ZNF564: variants seen among roughly 807,000 people sequenced by gnomAD.
ZNF564 encodes zinc finger protein 564.
In ZNF564, 5 loss-of-function variants were observed where a neutral mutation model predicts 10.5. The ratio of observed to expected loss-of-function variants is 0.48; its 90% CI spans 0.25 to 1.00. The LOEUF (loss-of-function observed/expected upper bound fraction) is 1.00, where lower values mean the gene tolerates loss of function less well. Ranked by LOEUF, ZNF564 falls within the 50% of genes least tolerant of loss-of-function variation. The probability of loss-of-function intolerance (pLI) is 0.16; values close to 1 mark genes in which losing one functional copy is unlikely to be tolerated. For missense variants in ZNF564, 603 were observed against 669.7 expected, an observed-to-expected ratio of 0.90 and a Z score of 1.10; for synonymous variants, 242 against 218.1, an observed-to-expected ratio of 1.11 and a Z score of -0.97.
chr19:12,532,472 T>C (rs1319236133), intron 1 of ZNF564, among the ~76,000 whole-genome samples: 1 of 138,198 alleles, frequency 7.2e-6, no homozygotes, highest in Non-Finnish European at 1.5e-5. Flanking sequence ...AAGGCGGAGC[T>C]TGCAGTGAGC....
intron 1 of ZNF564, among the ~76,000 whole-genome samples, chr19:12,544,759 T>A (rs1029629780): frequency 6.6e-6 from 1 of 152,206 alleles, no homozygotes; most frequent in South Asian, 2.1e-4. Context: ...TCTGCCCAGA[T>A]TCCTCTGTCT....
At chr19:12,550,044 G>A (rs1414895879) in intron 1 of ZNF564, among the ~76,000 whole-genome samples, 1 of 152,120 alleles carries the variant, frequency 6.6e-6, no homozygotes, top group Non-Finnish European at 1.5e-5. Flanking sequence ...TGTAATCCCA[G>A]CACTTTGGGA....
intron 1 of ZNF564, among the ~76,000 whole-genome samples, chr19:12,549,020 C>A (rs963363580): frequency 6.6e-6 from 1 of 151,912 alleles, no homozygotes; most frequent in Non-Finnish European, 1.5e-5. Flanking sequence ...TGGGATTGAT[C>A]TGAAATCACC....
intron 1 of ZNF564, chr19:12,533,114 G>C (rs1407051526): frequency 1.3e-5 from 2 of 151,812 alleles, no homozygotes; most frequent in African/African-American, 4.8e-5. Context: ...CAAATACTGG[G>C]GCATAAAACA....
intron 3 of ZNF564, 117 bp from the exon 4 acceptor site, chr19:12,528,033 T>G (rs2021728085): frequency 8.6e-7 from 1 of 1,156,258 alleles, no homozygotes; most frequent in Admixed American, 2.5e-5. Context: ...CTGTATGAAT[T>G]GTTTGAAAGT....
At position 12,527,147 on chromosome 19, in the gene ZNF564, G is replaced by A; in HGVS notation, c.961C>T (p.Pro321Ser). The change falls in exon 4 of 4, where the codon CCC becomes TCC. Residue 321 changes from proline to serine, a missense_variant. Physicochemically the swap from Pro to Ser is moderately conservative, Grantham distance 74. Transcript: ENST00000339282. ...CKVCGRAFIFPSYVRKHERTH... is the reference protein window; with the variant it reads ...CKVCGRAFIFSSYVRKHERTH... ...CTTTCATGCTTTCGAACATAACTGG[G>A]AAAAATAAAGGCTCTCCCACATACT... 1 of 1,614,042 alleles carries A rather than the reference G, an allele frequency of 6.2e-7. No individual in the cohort carries two copies. Among genetic ancestry groups the A allele is most frequent in the Middle Eastern group, 1.7e-4 (1 of 6,058 alleles).
At chr19:12,528,924 C>T (rs566081469) in intron 1 of ZNF564, among the ~76,000 whole-genome samples, 8 of 152,218 alleles carry the variant, frequency 5.3e-5, no homozygotes, top group African/African-American at 1.2e-4. Flanking sequence ...ATTAGCTGGG[C>T]GTGGTGGCGT....
At chr19:12,530,688 A>G (rs528713704) in intron 1 of ZNF564, among the ~76,000 whole-genome samples, 56 of 152,314 alleles carry the variant, frequency 3.7e-4, no homozygotes, top group Non-Finnish European at 7.4e-4. Context: ...AAATTTCAAG[A>G]GGAAATGATT....
At chr19:12,535,394 T>C (rs1407004763) in intron 1 of ZNF564, among the ~76,000 whole-genome samples, 5 of 151,770 alleles carry the variant, frequency 3.3e-5, no homozygotes, top group African/African-American at 7.3e-5. Context: ...AAGAAAAGTA[T>C]GTTACTAAGT....
chr19:12,542,398 T>C (rs1352321985), intron 1 of ZNF564, among the ~76,000 whole-genome samples: 3 of 147,100 alleles, frequency 2.0e-5, no homozygotes, highest in Non-Finnish European at 4.5e-5. Flanking sequence ...GAGGCCAAGG[T>C]AGGAGGATCA....
chr19:12,525,404 T>C lies in ZNF564; in HGVS notation c.*1042A>G, dbSNP rs1346340755. The C allele has an allele frequency of 6.6e-6, 1 of 152,244 alleles. No individual in the cohort carries two copies. Among genetic ancestry groups the C allele is most frequent in the Non-Finnish European group, 1.5e-5 (1 of 68,038 alleles). 9.4% of individuals were successfully genotyped at this position (152,244 alleles called of 1,614,324 possible). On this transcript the variant is annotated 3_prime_UTR_variant, in exon 4 of 4. Transcript: ENST00000339282. ...ATTTCTATATTTTAATCTGGGGATC[T>C]GCCATACTGTTTTCAGCAGGCTTAT... is the stretch of plus-strand genomic sequence containing the variant.
At chr19:12,537,765 A>C (rs1334542769) in intron 1 of ZNF564, among the ~76,000 whole-genome samples, 1 of 152,012 alleles carries the variant, frequency 6.6e-6, no homozygotes, top group East Asian at 1.9e-4. Flanking sequence ...AAAAAAAAGA[A>C]AAGAAAATGT....
chr19:12,536,653 G>T (rs779112734), intron 1 of ZNF564, among the ~76,000 whole-genome samples: 4 of 152,096 alleles, frequency 2.6e-5, no homozygotes, highest in African/African-American at 9.7e-5. Context: ...CATCAGTACT[G>T]TCTAGAATTC....
At chr19:12,537,738 CAAAAAAAA>C (rs56173239) in intron 1 of ZNF564, among the ~76,000 whole-genome samples, 1 of 114,558 alleles carries the variant, frequency 8.7e-6, no homozygotes, top group Non-Finnish European at 1.7e-5. Context: ...AACTCCGTCT[CAAAAAAAA>C]AAAAAAAGAA....
chr19:12,535,754 G>A (rs1482426258), intron 1 of ZNF564, among the ~76,000 whole-genome samples: 1 of 151,848 alleles, frequency 6.6e-6, no homozygotes, highest in Non-Finnish European at 1.5e-5. Context: ...GGTGGCTCAC[G>A]CCTGTAATCC....
rs1253345772 is a variant in ZNF564, at chr19:12,527,163, C to T, written c.945G>A (p.Gly315=). 5.0e-6 allele frequency: 8 copies of T among 1,612,968 alleles called. No homozygotes were observed. The highest frequency in any genetic ancestry group is 6.8e-6 in the Non-Finnish European group (8 of 1,179,718). ...CATAACTGGGAAAAATAAAGGCTCTCCCACATACTTTACATTTATAAGGTC... is the reference window on the plus strand; with the variant it reads ...CATAACTGGGAAAAATAAAGGCTCTTCCACATACTTTACATTTATAAGGTC... ...GDGPYKCKVC[G]RAFIFPSYVR... The change falls in exon 4 of 4, where the codon GGG becomes GGA. Residue 315 remains glycine, a synonymous_variant. Transcript: ENST00000339282.
At chr19:12,532,097 C>T (rs2021812932) in intron 1 of ZNF564, among the ~76,000 whole-genome samples, 1 of 152,060 alleles carries the variant, frequency 6.6e-6, no homozygotes, top group African/African-American at 2.4e-5. Flanking sequence ...TGCCTATGGT[C>T]CCAGCTACTT....
chr19:12,537,189 T>C (rs919827262), intron 1 of ZNF564, among the ~76,000 whole-genome samples: 3 of 152,210 alleles, frequency 2.0e-5, no homozygotes, highest in African/African-American at 7.2e-5. Flanking sequence ...ATTACACATT[T>C]TCTTTATCTA....
At chr19:12,537,889 G>A (rs2021951640) in intron 1 of ZNF564, among the ~76,000 whole-genome samples, 1 of 152,040 alleles carries the variant, frequency 6.6e-6, no homozygotes, top group Admixed American at 6.6e-5. Context: ...TTCTAAGTGC[G>A]TGTGTGGGGT....
Sources: gnomAD v4.1 joint callset for allele counts (sites outside exome capture counted in the v4.1 genomes callset) on GRCh38, gnomAD v4.1.1 for gene constraint, MANE v1.5 for transcripts, NCBI Gene and HGNC (gene_info 2026-07-23, HGNC 2026-07-21) for gene names.